The following NAB1 variants were observed in gnomAD, a reference collection of about 807,000 sequenced individuals.
NAB1 encodes the protein NGFI-A binding protein 1, also known as NGFI-A-binding protein 1.
A neutral mutation model predicts 49.9 loss-of-function variants in NAB1; 25 were observed. That is an observed-to-expected ratio of 0.50 (90% CI 0.37 to 0.70). NAB1 has a LOEUF of 0.70. Among genes scored for constraint, NAB1 ranks in the 30% least tolerant of loss-of-function variants. The probability of loss-of-function intolerance (pLI) is 0.00; values close to 1 mark genes in which losing one functional copy is unlikely to be tolerated. For synonymous variants in NAB1, 198 were observed against 215.6 expected (o/e 0.92, Z 0.71); for missense variants, 489 against 575.9 (o/e 0.85, Z 1.54).
chr2:190,664,671 A>G (rs896605536), intron 4 of NAB1, among the ~76,000 whole-genome samples: 1 of 128,456 alleles, frequency 7.8e-6, no homozygotes, highest in Non-Finnish European at 1.5e-5. Context: ...GGCTCAAGCG[A>G]TCTATCTGCT....
chr2:190,665,338 G>C (rs1354880276), intron 4 of NAB1, among the ~76,000 whole-genome samples: 4 of 146,968 alleles, frequency 2.7e-5, no homozygotes, highest in Non-Finnish European at 4.5e-5. Flanking sequence ...AAAAAAAAAA[G>C]TTAGTGGTTA....
intron 4 of NAB1, among the ~76,000 whole-genome samples, chr2:190,662,731 T>C (rs909278446): frequency 4.6e-5 from 7 of 152,134 alleles, no homozygotes; most frequent in South Asian, 2.1e-4. Flanking sequence ...TACTCAGAAA[T>C]GTAAGCAGGT....
In NAB1 at chr2:190,670,280, G is replaced by A. The variant is rs764462223; in HGVS notation, c.820-46G>A. 97 of 1,539,150 alleles carry A rather than the reference G, an allele frequency of 6.3e-5. No homozygotes were observed. The highest frequency in any genetic ancestry group is 7.6e-5 in the Non-Finnish European group (86 of 1,137,092). The stretch of plus-strand genomic sequence containing the variant: ...TAAGTGAAACCTTTTGCATTTTGAT[G>A]AAATTAAAATGTTCTTAATTTTGAA... On this transcript the variant is annotated intron_variant, in intron 4 of 9. Transcript: ENST00000337386. The surrounding 1 kb of genome is among the most constrained non-coding windows in gnomAD (Gnocchi z 5.3).
In NAB1 at chr2:190,669,687, CAA is replaced by C. The variant is rs1457081416; in HGVS notation, c.820-636_820-635del. 1.3e-5 allele frequency among the ~76,000 whole-genome samples: 2 copies of C among 152,062 alleles called. No homozygotes were observed. The highest frequency in any genetic ancestry group is 2.9e-5 in the Non-Finnish European group (2 of 68,010). On this transcript the variant is annotated intron_variant, in intron 4 of 9. Transcript: ENST00000337386. This position sits in a 1 kb window ranked among gnomAD's most constrained non-coding sequence, Gnocchi z 4.3. ...ATTACAGATTTTGTGTTTAGGGTAACAAAATTTTAGTACAAAGTGTTTGGTCA... is the reference window on the plus strand; with the variant it reads ...ATTACAGATTTTGTGTTTAGGGTAACAATTTTAGTACAAAGTGTTTGGTCA...
Position 190,685,620 on chromosome 2 carries a change from G to T in NAB1, c.1240G>T (p.Asp414Tyr), listed in dbSNP as rs777938240. The change falls in exon 8 of 10, where the codon GAT (aspartate) becomes TAT (tyrosine). Residue 414 changes from aspartate (D) to tyrosine (Y), a missense_variant. Asp to Tyr is a radical substitution (Grantham distance 160). This residue lies in a region of NAB1 where 212 missense variants were observed against 199.3 expected (regional missense o/e 1.06). Transcript: ENST00000337386. The surrounding 1 kb of genome is among the most constrained non-coding windows in gnomAD (Gnocchi z 4.5). ...EEHSPNGLTS[D>Y]NSDGQGERPL... ...GCACAGTCCTAACGGCTTGACTTCC[G>T]ATAACTCAGATGGACAAGGTACATC... 3.1e-6 allele frequency: 5 copies of T among 1,608,958 alleles called. 1 individual carries two copies. The South Asian group carries it at 5.5e-5, about 18-fold the overall frequency.
intron 5 of NAB1, among the ~76,000 whole-genome samples, chr2:190,672,136 GC>G (rs1694844322): frequency 6.6e-6 from 1 of 152,046 alleles, no homozygotes; most frequent in Non-Finnish European, 1.5e-5. Context: ...TAATTTAGAA[GC>G]CACCTTGGAC....
In NAB1 at chr2:190,685,236, A is replaced by C. The variant is rs1398857366; in HGVS notation, c.1096-240A>C. Among the ~76,000 whole-genome samples, 2 of 152,234 alleles carry C rather than the reference A, an allele frequency of 1.3e-5. No individual in the cohort carries two copies. Among genetic ancestry groups the C allele is most frequent in the Non-Finnish European group, 2.9e-5 (2 of 68,032 alleles). ...TTATGTTGCTTTTGAGCTGACATGG[A>C]ATTCTCTTGAAAGAATTGAGAAGAA... On this transcript the variant is annotated intron_variant, in intron 7 of 9. Coordinates refer to ENST00000337386, the MANE Select transcript of NAB1 (RefSeq NM_005966.4). This position sits in a 1 kb window ranked among gnomAD's most constrained non-coding sequence, Gnocchi z 4.5.
rs752786909 is a variant in NAB1 at position 190,659,383 on chromosome 2, G to A, written c.207G>A (p.Gln69=). Residue 69 remains glutamine (Q), a synonymous_variant, in exon 4 of 10, where the codon CAG becomes CAA. Coordinates refer to ENST00000337386, the MANE Select transcript of NAB1 (RefSeq NM_005966.4). This position sits in a 1 kb window ranked among gnomAD's most constrained non-coding sequence, Gnocchi z 6.2. ...ASKPLHVRRL[Q]KALRDWVTNP... ...AGCCCCTTCATGTTAGAAGGCTGCA[G>A]AAGGCTTTGAGAGACTGGGTCACAA... 1 of 1,614,160 alleles carries A rather than the reference G, an allele frequency of 6.2e-7. No homozygotes were observed. The highest frequency in any genetic ancestry group is 8.5e-7 in the Non-Finnish European group (1 of 1,180,028).
rs747526401 is a variant in NAB1 at position 190,659,987 on chromosome 2, C to T, written c.811C>T (p.Leu271Phe). The change falls in exon 4 of 10, where the codon CTT becomes TTT. Residue 271 changes from leucine (L) to phenylalanine (F), a missense_variant. Physicochemically the swap from Leu to Phe is conservative, Grantham distance 22 (BLOSUM62 0). This residue lies in a region of NAB1 where 38 missense variants were observed against 70.1 expected (regional missense o/e 0.54). Transcript: ENST00000337386. This position sits in a 1 kb window ranked among gnomAD's most constrained non-coding sequence, Gnocchi z 6.2. ...SKRKDGKHLT[L>F]HELTVNEAAA... ...GAGGAAGGATGGGAAACATCTCACACTTCATGAGGTACAAAGCCCGCGTTG... is the reference window on the plus strand; with the variant it reads ...GAGGAAGGATGGGAAACATCTCACATTTCATGAGGTACAAAGCCCGCGTTG... 4 of 1,610,472 alleles carry T rather than the reference C, an allele frequency of 2.5e-6. No individual in the cohort carries two copies. The highest frequency in any genetic ancestry group is 3.4e-6 in the Non-Finnish European group (4 of 1,176,876).
chr2:190,666,715 G>A lies in NAB1; in HGVS notation c.820-3611G>A, dbSNP rs528641820. On this transcript the variant is annotated intron_variant, in intron 4 of 9. Coordinates refer to ENST00000337386, the MANE Select transcript of NAB1 (RefSeq NM_005966.4). The surrounding 1 kb of genome is among the most constrained non-coding windows in gnomAD (Gnocchi z 5.6). ...CTCAAAAAAAAAAGAAAAAGGAAGC[G>A]AACTTTAAGAAATCTTTCACATAAA... 2.6e-5 allele frequency among the ~76,000 whole-genome samples: 4 copies of A among 151,996 alleles called. No individual in the cohort carries two copies. Among genetic ancestry groups the A allele is most frequent in the South Asian group, 2.1e-4 (1 of 4,818 alleles).
intron 3 of NAB1, among the ~76,000 whole-genome samples, chr2:190,658,816 T>G (rs556250903): frequency 6.6e-6 from 1 of 152,394 alleles, no homozygotes; most frequent in African/African-American, 2.4e-5. Flanking sequence ...CTGCTAAATT[T>G]GACTATCTTT....
intron 2 of NAB1, among the ~76,000 whole-genome samples, chr2:190,655,312 T>G (rs1427933232): frequency 6.6e-6 from 1 of 152,146 alleles, no homozygotes; most frequent in South Asian, 2.1e-4. Flanking sequence ...ACACTTGGAG[T>G]GACTCCATGG....
Position 190,659,661 on chromosome 2 carries a change from A to G in NAB1, c.485A>G (p.Gln162Arg), listed in dbSNP as rs1694115143. The G allele has an allele frequency of 1.9e-6, 3 of 1,613,774 alleles. No homozygotes were observed. The Admixed American group carries it at 5.0e-5, about 27-fold the overall frequency. ...AGTGTTGGTGAGTCCAGACTCTGGC[A>G]AGGCCACCATGCCACTGAGAGCGAG... ...LQSVGESRLW[Q>R]GHHATESEHS... The change falls in exon 4 of 10, where the codon CAA becomes CGA. Residue 162 changes from glutamine (Q) to arginine (R), a missense_variant. Around this residue, in one of 4 missense-constraint regions of NAB1, gnomAD observed 204 missense variants for 220.9 expected, o/e 0.92. Coordinates refer to ENST00000337386, the MANE Select transcript of NAB1 (RefSeq NM_005966.4). The surrounding 1 kb of genome is among the most constrained non-coding windows in gnomAD (Gnocchi z 6.2).
rs534109637 is a variant in NAB1 at position 190,670,020 on chromosome 2, A to G, written c.820-306A>G. On this transcript the variant is annotated intron_variant, in intron 4 of 9. Coordinates refer to ENST00000337386, the MANE Select transcript of NAB1 (RefSeq NM_005966.4). This position sits in a 1 kb window ranked among gnomAD's most constrained non-coding sequence, Gnocchi z 5.3. Reference sequence around the variant, plus strand: ...TTGGGTTTTTTTATAAGCGAGTTGCAGAATATTTTTTACTTTTTATTTTCC... The same window carrying G: ...TTGGGTTTTTTTATAAGCGAGTTGCGGAATATTTTTTACTTTTTATTTTCC... Among the ~76,000 whole-genome samples the G allele has an allele frequency of 5.9e-5, 9 of 152,204 alleles. No individual in the cohort carries two copies. The highest frequency in any genetic ancestry group is 1.2e-4 in the African/African-American group (5 of 41,452).
rs1224287517 is a variant in NAB1, at chr2:190,674,321, C to T, written c.1005+1169C>T. Among the ~76,000 whole-genome samples, 1 of 152,146 alleles carries T rather than the reference C, an allele frequency of 6.6e-6. No individual in the cohort carries two copies. Among genetic ancestry groups the T allele is most frequent in the African/African-American group, 2.4e-5 (1 of 41,432 alleles). On this transcript the variant is annotated intron_variant, in intron 6 of 9. Transcript: ENST00000337386. The surrounding 1 kb of genome is among the most constrained non-coding windows in gnomAD (Gnocchi z 5.7). ...TTTCTGTTCCTGAACATGCCAAACT[C>T]ATTTATGCCTCAACACTCACTGTTT... is the stretch of plus-strand genomic sequence containing the variant.
At position 190,649,281 on chromosome 2, in the gene NAB1, A is replaced by G. The variant is rs1418952523; in HGVS notation, c.-413A>G. On this transcript the variant is annotated 5_prime_UTR_variant, in exon 1 of 10. Coordinates refer to ENST00000337386, the MANE Select transcript of NAB1 (RefSeq NM_005966.4). The surrounding 1 kb of genome is among the most constrained non-coding windows in gnomAD (Gnocchi z 6.1). Reference sequence around the variant, plus strand: ...CTCCTGCAGCCGCCAGAGGAGGGAGAGCCGGGGGCCGTCGCTTCGGAGTTG... The same window carrying G: ...CTCCTGCAGCCGCCAGAGGAGGGAGGGCCGGGGGCCGTCGCTTCGGAGTTG... 6.6e-6 allele frequency: 1 copy of G among 151,442 alleles called. No homozygotes were observed. The highest frequency in any genetic ancestry group is 1.5e-5 in the Non-Finnish European group (1 of 67,930). The allele number at this position is 151,442 out of a possible 1,614,324, so 9.4% of individuals were successfully genotyped here.
chr2:190,656,186 A>C (rs575191886), intron 3 of NAB1, 33 bp downstream of exon 3: 1 of 152,250 alleles, frequency 6.6e-6, no homozygotes, highest in African/African-American at 2.4e-5. Flanking sequence ...TGGATTTACA[A>C]TACTCTAAGC....
chr2:190,685,951 T>C lies in NAB1; in HGVS notation c.1258+313T>C, dbSNP rs1054377658. ...CCGAAGAAGCAGATTCCGGGAGAGA[T>C]GTTTATCCTTTTTAAATGACCAAAA... On this transcript the variant is annotated intron_variant, in intron 8 of 9. Coordinates refer to ENST00000337386, the MANE Select transcript of NAB1 (RefSeq NM_005966.4). This position sits in a 1 kb window ranked among gnomAD's most constrained non-coding sequence, Gnocchi z 4.5. Among the ~76,000 whole-genome samples the C allele has an allele frequency of 1.3e-5, 2 of 151,988 alleles. No homozygotes were observed. Among genetic ancestry groups the C allele is most frequent in the Non-Finnish European group, 2.9e-5 (2 of 68,034 alleles).
chr2:190,650,337 C>T (rs1288944571), intron 2 of NAB1, among the ~76,000 whole-genome samples: 1 of 152,144 alleles, frequency 6.6e-6, no homozygotes, highest in Non-Finnish European at 1.5e-5. Context: ...AGTGACGTGT[C>T]TGCCAACTCA....
Sources: allele counts gnomAD v4.1 joint callset (sites outside exome capture counted in the v4.1 genomes callset), GRCh38; gene constraint gnomAD v4.1.1; regional missense constraint gnomAD v4.1.1; non-coding constraint Gnocchi (gnomAD v3.1); transcripts MANE v1.5; gene names NCBI Gene and HGNC (gene_info 2026-07-23, HGNC 2026-07-21).